The following AMBRA1 variants were observed in gnomAD, a reference collection of about 807,000 sequenced individuals.
AMBRA1 encodes the protein activating molecule in BECN1-regulated autophagy protein 1.
Under a neutral mutation model 125.4 loss-of-function variants are expected in AMBRA1, and 47 were observed. The observed-to-expected ratio is 0.37, with a 90% CI of 0.30 to 0.48. AMBRA1 has a LOEUF of 0.48. AMBRA1 is among the 20% of genes least tolerant of loss of function. The pLI is 0.99. For synonymous variants in AMBRA1, 626 were observed against 655.5 expected, an observed-to-expected ratio of 0.95 and a Z score of 0.69; for missense variants, 1,331 against 1,693.4, an observed-to-expected ratio of 0.79 and a Z score of 3.76.
intron 9 of AMBRA1, among the ~76,000 whole-genome samples, chr11:46,505,982 C>A (rs954983634): frequency 3.3e-5 from 5 of 152,132 alleles, no homozygotes; most frequent in Non-Finnish European, 7.3e-5. Context: ...GGCTCCACAG[C>A]ATTAGTGAGA....
At chr11:46,527,596 T>A (rs1952033918) in intron 7 of AMBRA1, among the ~76,000 whole-genome samples, 1 of 142,184 alleles carries the variant, frequency 7.0e-6, no homozygotes, top group South Asian at 2.3e-4. Flanking sequence ...TACAACTCAA[T>A]AACCAAAAAA....
intron 1 of AMBRA1, among the ~76,000 whole-genome samples, chr11:46,576,435 T>C (rs909772082): frequency 6.6e-6 from 1 of 152,156 alleles, no homozygotes; most frequent in South Asian, 2.1e-4. Context: ...GCCAGACATA[T>C]TGCTTTGATT....
intron 8 of AMBRA1, among the ~76,000 whole-genome samples, chr11:46,510,554 T>A (rs1951218802): frequency 6.6e-6 from 1 of 152,148 alleles, no homozygotes; most frequent in Non-Finnish European, 1.5e-5. Context: ...CTACCCTAAG[T>A]AATGGAAAAA....
intron 1 of AMBRA1, among the ~76,000 whole-genome samples, chr11:46,586,702 T>C (rs1196161326): frequency 6.6e-6 from 1 of 152,212 alleles, no homozygotes; most frequent in Non-Finnish European, 1.5e-5. Context: ...ACATATTAAC[T>C]AATTTAGTTC....
At chr11:46,458,108 C>T (rs1032468948) in intron 11 of AMBRA1, among the ~76,000 whole-genome samples, 1 of 152,056 alleles carries the variant, frequency 6.6e-6, no homozygotes, top group African/African-American at 2.4e-5. Context: ...CTTGAGAAGT[C>T]CCCAGAACCA....
chr11:46,492,121 C>T (rs2136953133), intron 11 of AMBRA1, among the ~76,000 whole-genome samples: 1 of 152,302 alleles, frequency 6.6e-6, no homozygotes, highest in African/African-American at 2.4e-5. Context: ...CAAGGAGAGG[C>T]ACGGACCACA....
rs183987694 is a variant in AMBRA1, at chr11:46,471,855, T to C, written c.2521+21753A>G. On this transcript the variant is annotated intron_variant, in intron 11 of 17. Coordinates refer to ENST00000683756, the MANE Select transcript of AMBRA1 (RefSeq NM_001387011.1). ...GTTGGCCAGGATGGTCTCGATCTCC[T>C]GTCCTCATGATCCACCCACCTCGGC... Among the ~76,000 whole-genome samples the C allele has an allele frequency of 1.0e-3, 155 of 152,152 alleles. No individual in the cohort carries two copies. In the East Asian group the frequency reaches 0.021, roughly 21 times the overall value.
intron 12 of AMBRA1, among the ~76,000 whole-genome samples, chr11:46,442,880 C>T (rs1948088268): frequency 6.6e-6 from 1 of 152,104 alleles, no homozygotes; most frequent in Non-Finnish European, 1.5e-5. Flanking sequence ...TGCCATCATG[C>T]CTAGCTAGTT....
At chr11:46,418,332 GTA>G (rs1565136445) in intron 14 of AMBRA1, among the ~76,000 whole-genome samples, 9 of 4,904 alleles carry the variant, frequency 1.8e-3, no homozygotes, top group Admixed American at 5.7e-3. Flanking sequence ...ATATAAATAT[GTA>G]TTTTATTATT....
chr11:46,432,044 T>C (rs934258476), intron 14 of AMBRA1, among the ~76,000 whole-genome samples: 3 of 150,390 alleles, frequency 2.0e-5, no homozygotes, highest in Non-Finnish European at 4.4e-5. Flanking sequence ...TATTTATTTA[T>C]TTTTTTTTGA....
chr11:46,570,786 T>G (rs1053348133), intron 1 of AMBRA1, among the ~76,000 whole-genome samples: 3 of 152,184 alleles, frequency 2.0e-5, no homozygotes, highest in African/African-American at 7.2e-5. Flanking sequence ...TTAACAAGCA[T>G]GTAGGCACAA....
chr11:46,443,821 G>A (rs1948137560), intron 11 of AMBRA1, among the ~76,000 whole-genome samples: 2 of 152,236 alleles, frequency 1.3e-5, no homozygotes, highest in South Asian at 4.1e-4. Context: ...CCATTCATCA[G>A]TCCTTCCCAT....
intron 11 of AMBRA1, among the ~76,000 whole-genome samples, chr11:46,455,144 C>A (rs1411960142): frequency 3.3e-5 from 5 of 152,108 alleles, no homozygotes; most frequent in Non-Finnish European, 7.4e-5. Flanking sequence ...GCCTTGGCCT[C>A]CCAAATTGCT....
chr11:46,440,357 T>C (rs1947943743), intron 12 of AMBRA1, among the ~76,000 whole-genome samples: 1 of 152,128 alleles, frequency 6.6e-6, no homozygotes, highest in Non-Finnish European at 1.5e-5. Flanking sequence ...ACCATTTGGG[T>C]TAAATAAAAG....
chr11:46,487,275 T>G (rs1346050105), intron 11 of AMBRA1, among the ~76,000 whole-genome samples: 2 of 151,538 alleles, frequency 1.3e-5, no homozygotes, highest in Non-Finnish European at 2.9e-5. Flanking sequence ...AAAATAAAAA[T>G]AAAAGAGATG....
intron 1 of AMBRA1, among the ~76,000 whole-genome samples, chr11:46,549,393 C>T (rs1486560378): frequency 2.0e-5 from 3 of 152,124 alleles, no homozygotes; most frequent in African/African-American, 7.2e-5. Context: ...CACTATTCTC[C>T]ACCTAGACTC....
At position 46,548,243 on chromosome 11, in the gene AMBRA1, T is replaced by C; in HGVS notation, c.135+3A>G. On this transcript the variant is annotated splice_donor_region_variant and intron_variant, in intron 2 of 17. Coordinates refer to ENST00000683756, the MANE Select transcript of AMBRA1 (RefSeq NM_001387011.1). ...CTATGTGAAATATAGCCATTTTCCTTACCTTGCCCTCCCATTTCATCCACC... is the reference window on the plus strand; with the variant it reads ...CTATGTGAAATATAGCCATTTTCCTCACCTTGCCCTCCCATTTCATCCACC... The C allele has an allele frequency of 6.2e-7, 1 of 1,614,168 alleles. No homozygotes were observed. Among genetic ancestry groups the C allele is most frequent in the Non-Finnish European group, 8.5e-7 (1 of 1,180,042 alleles).
intron 1 of AMBRA1, among the ~76,000 whole-genome samples, chr11:46,583,677 A>AAAAAAAAAAAAAC (rs1565324615): frequency 6.9e-5 from 10 of 143,900 alleles, no homozygotes; most frequent in African/African-American, 2.7e-4. Flanking sequence ...AAAAAAAAAA[A>AAAAAAAAAAAAAC]AACAACAAAA....
intron 1 of AMBRA1, among the ~76,000 whole-genome samples, chr11:46,586,681 A>T (rs2044413081): frequency 6.6e-6 from 1 of 152,196 alleles, no homozygotes; most frequent in African/African-American, 2.4e-5. Context: ...GTGCTGTTCT[A>T]AATGCTTTAT....
Sources: gnomAD v4.1 joint callset for allele counts (sites outside exome capture counted in the v4.1 genomes callset) on GRCh38, gnomAD v4.1.1 for gene constraint, MANE v1.5 for transcripts, NCBI Gene and HGNC (gene_info 2026-07-23, HGNC 2026-07-21) for gene names.